Variants in VRK2 observed in about 807,000 individuals in gnomAD.
VRK2 encodes the protein VRK serine/threonine kinase 2, also known as serine/threonine-protein kinase VRK2.
VRK2 carries 60 observed loss-of-function variants against 57.6 expected under a neutral mutation model. That is an observed-to-expected ratio of 1.04 (90% CI 0.85 to 1.29). VRK2 has a LOEUF of 1.29. VRK2 is among the 50% of genes most tolerant of loss of function. The pLI is 0.00. For missense variants in VRK2, 705 were observed against 588.1 expected, an observed-to-expected ratio of 1.20 and a Z score of -2.06; for synonymous variants, 231 against 199.2, an observed-to-expected ratio of 1.16 and a Z score of -1.35.
intron 1 of VRK2, among the ~76,000 whole-genome samples, chr2:57,990,747 T>G (rs976723238): frequency 6.6e-6 from 1 of 152,162 alleles, no homozygotes; most frequent in Non-Finnish European, 1.5e-5. Context: ...TACATTTCAA[T>G]AATACTTCGT....
intron 7 of VRK2, among the ~76,000 whole-genome samples, chr2:58,090,400 CAA>C (rs888066524): frequency 9.1e-4 from 45 of 49,298 alleles, no homozygotes; most frequent in Non-Finnish European, 1.1e-3. Context: ...AACTCCATCT[CAA>C]AAAAAAAAAA....
chr2:58,020,215 CTG>C (rs1673708605), intron 1 of VRK2, among the ~76,000 whole-genome samples: 1 of 152,078 alleles, frequency 6.6e-6, no homozygotes, highest in African/African-American at 2.4e-5. Context: ...CCAAGATAAA[CTG>C]TTTTGTTTTT....
chr2:58,067,682 G>A (rs923065753), intron 2 of VRK2, among the ~76,000 whole-genome samples: 3 of 151,664 alleles, frequency 2.0e-5, no homozygotes, highest in African/African-American at 7.3e-5. Context: ...TTTAAATATT[G>A]TGGTTGTCTT....
In VRK2 at chr2:58,159,564, T is replaced by C; in HGVS notation, c.1398T>C (p.Ser466=). ...TVSTGITDLE[S]STGLWPTISQ... Reference sequence around the variant, plus strand: ...GCACGGGGATCACAGACTTAGAAAGTTCAACTGGACTTTGGCCTACAATTT... The same window carrying C: ...GCACGGGGATCACAGACTTAGAAAGCTCAACTGGACTTTGGCCTACAATTT... Residue 466 remains serine (S), a synonymous_variant, in exon 13 of 13, where the codon AGT becomes AGC. Coordinates refer to ENST00000340157, the MANE Select transcript of VRK2 (RefSeq NM_006296.7). 6.2e-7 allele frequency: 1 copy of C among 1,613,838 alleles called. No individual in the cohort carries two copies. The highest frequency in any genetic ancestry group is 8.5e-7 in the Non-Finnish European group (1 of 1,179,806).
chr2:58,136,972 A>G (rs1244595153), intron 10 of VRK2, among the ~76,000 whole-genome samples: 1 of 134,864 alleles, frequency 7.4e-6, no homozygotes, highest in African/African-American at 2.8e-5. Flanking sequence ...TATATCATAT[A>G]TTATATATCA....
intron 7 of VRK2, among the ~76,000 whole-genome samples, chr2:58,100,180 A>C (rs1212886627): frequency 6.6e-6 from 1 of 151,986 alleles, no homozygotes; most frequent in African/African-American, 2.4e-5. Context: ...AGGGAATTCT[A>C]ACACAATCCA....
At chr2:57,973,271 G>C (rs1298691238) in intron 1 of VRK2, among the ~76,000 whole-genome samples, 1 of 151,692 alleles carries the variant, frequency 6.6e-6, no homozygotes, top group Non-Finnish European at 1.5e-5. Context: ...GGATAAATTT[G>C]AACATATTTT....
chr2:58,113,170 G>A (rs1322772235), intron 7 of VRK2, among the ~76,000 whole-genome samples: 4 of 152,078 alleles, frequency 2.6e-5, no homozygotes, highest in South Asian at 2.1e-4. Flanking sequence ...TTAGCTGGGC[G>A]TGGTGGCACA....
intron 7 of VRK2, among the ~76,000 whole-genome samples, chr2:58,100,246 G>T (rs1412231966): frequency 6.6e-6 from 1 of 151,938 alleles, no homozygotes; most frequent in Non-Finnish European, 1.5e-5. Flanking sequence ...TAAGAATTTT[G>T]CATGGAATGT....
intron 7 of VRK2, among the ~76,000 whole-genome samples, chr2:58,096,156 A>G (rs1286313034): frequency 1.3e-5 from 2 of 152,066 alleles, no homozygotes; most frequent in African/African-American, 4.8e-5. Flanking sequence ...ATGGCATAAT[A>G]TTAGTGTAAT....
intron 2 of VRK2, among the ~76,000 whole-genome samples, chr2:58,027,973 T>C (rs1173865962): frequency 1.3e-5 from 2 of 152,196 alleles, no homozygotes; most frequent in African/African-American, 4.8e-5. Flanking sequence ...AGTGTTTAAC[T>C]GTCTGGTGAA....
chr2:58,071,931 T>C (rs762392100), intron 2 of VRK2, among the ~76,000 whole-genome samples: 1 of 152,004 alleles, frequency 6.6e-6, no homozygotes, highest in Non-Finnish European at 1.5e-5. Flanking sequence ...TATCTCTCCA[T>C]ATCATGATGA....
chr2:57,981,512 C>G (rs1226787207), intron 1 of VRK2, among the ~76,000 whole-genome samples: 5 of 152,066 alleles, frequency 3.3e-5, no homozygotes, highest in Non-Finnish European at 7.4e-5. Context: ...GATTATGTGT[C>G]TTAGGGATGA....
chr2:58,010,567 C>T (rs1285684818), intron 1 of VRK2, among the ~76,000 whole-genome samples: 2 of 152,060 alleles, frequency 1.3e-5, no homozygotes, highest in Non-Finnish European at 2.9e-5. Context: ...AGGGAAAAAC[C>T]GTGACTCTTT....
At chr2:58,137,165 T>TCATATCATATATATCATATATGATA (rs1680397948) in intron 10 of VRK2, among the ~76,000 whole-genome samples, 2 of 4,900 alleles carry the variant, frequency 4.1e-4, no homozygotes, top group Non-Finnish European at 7.8e-4. Context: ...TTTATATATA[T>TCATATCATATATATCATATATGATA]CATATATCAT....
At chr2:57,913,927 C>T (rs984866996) in intron 1 of VRK2, among the ~76,000 whole-genome samples, 8 of 151,726 alleles carry the variant, frequency 5.3e-5, no homozygotes, top group African/African-American at 1.5e-4. Context: ...AAAATGTAAC[C>T]ACAATAAGTT....
chr2:58,089,736 T>G lies in VRK2; in HGVS notation c.543+13T>G. 2.5e-6 allele frequency: 4 copies of G among 1,577,984 alleles called. No individual in the cohort carries two copies. The highest frequency in any genetic ancestry group is 3.5e-6 in the Non-Finnish European group (4 of 1,154,152). Reference sequence around the variant, plus strand: ...AAATCCAGACCAGGTAAATACATACTTTTGCTTTTAATAAAGGTCTTTAAT... The same window carrying G: ...AAATCCAGACCAGGTAAATACATACGTTTGCTTTTAATAAAGGTCTTTAAT... On this transcript the variant is annotated intron_variant, in intron 7 of 12. Coordinates refer to ENST00000340157, the MANE Select transcript of VRK2 (RefSeq NM_006296.7).
intron 12 of VRK2, among the ~76,000 whole-genome samples, chr2:58,153,127 G>C (rs1173200385): frequency 6.6e-6 from 1 of 151,958 alleles, no homozygotes; most frequent in African/African-American, 2.4e-5. Context: ...TTATCATTTT[G>C]AGTGTATCAT....
chr2:57,946,071 T>C (rs1440930559), intron 1 of VRK2, among the ~76,000 whole-genome samples: 1 of 152,178 alleles, frequency 6.6e-6, no homozygotes, highest in East Asian at 1.9e-4. Context: ...TGCAAGCTTT[T>C]ACATAAATTT....
Sources: allele counts gnomAD v4.1 joint callset (sites outside exome capture counted in the v4.1 genomes callset), GRCh38; gene constraint gnomAD v4.1.1; transcripts MANE v1.5; gene names NCBI Gene and HGNC (gene_info 2026-07-23, HGNC 2026-07-21).